The following ADCY3 variants were observed in gnomAD, a reference collection of about 807,000 sequenced individuals.
The protein encoded by ADCY3 is adenylate cyclase type 3.
Under a neutral mutation model 119.4 loss-of-function variants are expected in ADCY3, and 70 were observed. The observed-to-expected ratio is 0.59, with a 90% CI of 0.48 to 0.72. ADCY3 has a LOEUF of 0.72. ADCY3 is among the 30% of genes least tolerant of loss of function. The pLI, the probability that ADCY3 is intolerant of heterozygous loss-of-function variation, is 0.00. For missense variants in ADCY3, 1,238 were observed against 1,541.6 expected, an observed-to-expected ratio of 0.80 and a Z score of 3.30; for synonymous variants, 672 against 621.4, an observed-to-expected ratio of 1.08 and a Z score of -1.21.
At chr2:24,854,455 C>T (rs530923263) in intron 3 of ADCY3, among the ~76,000 whole-genome samples, 1 of 152,154 alleles carries the variant, frequency 6.6e-6, no homozygotes, top group African/African-American at 2.4e-5. Context: ...ATAAAATGGG[C>T]ATCTCTTAGG....
intron 20 of ADCY3, 79 bp downstream of exon 20, chr2:24,821,438 C>T: frequency 6.4e-7 from 1 of 1,572,194 alleles, no homozygotes; most frequent in Non-Finnish European, 8.6e-7. Context: ...TCCTGAGCCT[C>T]ATGTCTCTCC....
chr2:24,907,535 C>T (rs998621122), intron 2 of ADCY3, among the ~76,000 whole-genome samples: 1 of 151,904 alleles, frequency 6.6e-6, no homozygotes, highest in African/African-American at 2.4e-5. Context: ...TCCTTAGGAA[C>T]CACAAAGAGG....
intron 2 of ADCY3, chr2:24,877,828 G>A (rs774502599): frequency 4.3e-6 from 2 of 465,870 alleles, no homozygotes; most frequent in African/African-American, 2.0e-5. Flanking sequence ...GGGCGAGACA[G>A]CTGGCGCTCG....
At chr2:24,870,990 GC>G (rs1674932678) in intron 3 of ADCY3, among the ~76,000 whole-genome samples, 1 of 152,156 alleles carries the variant, frequency 6.6e-6, no homozygotes, top group African/African-American at 2.4e-5. Flanking sequence ...ACACCAGGGG[GC>G]CTCCACAAGA....
In ADCY3 at chr2:24,841,500, G is replaced by A; in HGVS notation, c.1068+56C>T. ...ATCATGGGGCCGGGGATGGGGGCCA[G>A]GCAGAGGCCATGAGGGCAGGCCCCG... is the stretch of plus-strand genomic sequence containing the variant. On this transcript the variant is annotated intron_variant, in intron 5 of 21. Transcript: ENST00000679454. The surrounding 1 kb of genome is among the most constrained non-coding windows in gnomAD (Gnocchi z 5.8). 3.1e-6 allele frequency: 5 copies of A among 1,593,326 alleles called. No homozygotes were observed. Among genetic ancestry groups the A allele is most frequent in the Non-Finnish European group, 4.3e-6 (5 of 1,167,542 alleles).
At position 24,919,605 on chromosome 2, in the gene ADCY3, G is replaced by C. The variant is rs747087123; in HGVS notation, c.-198+78C>G. 1 of 152,438 alleles carries C rather than the reference G, an allele frequency of 6.6e-6. No homozygotes were observed. Among genetic ancestry groups the C allele is most frequent in the Non-Finnish European group, 1.5e-5 (1 of 68,234 alleles). 9.4% of individuals were successfully genotyped at this position (152,438 alleles called of 1,614,324 possible). ...TTTTCCACCAAACCCTTGGAGGCTC[G>C]GGCTCCGATCCGGCCCCCTTCCCAC... On this transcript the variant is annotated intron_variant, in intron 1 of 21. Coordinates refer to ENST00000679454, the MANE Select transcript of ADCY3 (RefSeq NM_004036.5). This position sits in a 1 kb window ranked among gnomAD's most constrained non-coding sequence, Gnocchi z 5.5.
intron 2 of ADCY3, among the ~76,000 whole-genome samples, chr2:24,903,793 C>T (rs752873245): frequency 3.9e-4 from 60 of 152,264 alleles, no homozygotes; most frequent in Middle Eastern, 3.4e-3. Context: ...CCCTTTCTTC[C>T]CTAAATGCAA....
At chr2:24,902,669 C>G (rs935476361) in intron 2 of ADCY3, among the ~76,000 whole-genome samples, 2 of 152,106 alleles carry the variant, frequency 1.3e-5, no homozygotes, top group African/African-American at 4.8e-5. Flanking sequence ...TCCTCCTCCT[C>G]AGCTACTCAA....
intron 3 of ADCY3, among the ~76,000 whole-genome samples, chr2:24,848,665 GC>G (rs1671935969): frequency 6.6e-6 from 1 of 152,198 alleles, no homozygotes; most frequent in African/African-American, 2.4e-5. Context: ...TTAGAACAGT[GC>G]CTGGCCCACA....
intron 14 of ADCY3, 143 bp downstream of exon 14, chr2:24,827,759 A>G (rs1302317470): frequency 2.1e-6 from 3 of 1,424,150 alleles, no homozygotes; most frequent in Non-Finnish European, 2.9e-6. Flanking sequence ...GTCTGTGAGC[A>G]GCCAGGAACT....
At chr2:24,856,611 A>G (rs181179101) in intron 3 of ADCY3, among the ~76,000 whole-genome samples, 75 of 152,306 alleles carry the variant, frequency 4.9e-4, no homozygotes, top group Admixed American at 2.4e-3. Flanking sequence ...CCTCTCCCGG[A>G]TGAGGGGACG....
intron 7 of ADCY3, 147 bp from the exon 8 acceptor site, chr2:24,838,769 CTGCCACTAACTAGCTGTGTG>C: frequency 1.3e-6 from 2 of 1,589,568 alleles, no homozygotes; most frequent in Admixed American, 1.7e-5. Context: ...GGAGGCAGTT[CTGCCACTAACTAGCTGTGTG>C]GGCCGCTAAC....
At chr2:24,833,060 G>C (rs1387197948) in intron 11 of ADCY3, among the ~76,000 whole-genome samples, 1 of 152,126 alleles carries the variant, frequency 6.6e-6, no homozygotes, top group Non-Finnish European at 1.5e-5. Flanking sequence ...CTCTATCCTC[G>C]GCCTGGCCTG....
intron 11 of ADCY3, chr2:24,832,035 GCCA>G (rs1177211478): frequency 2.8e-5 from 3 of 107,686 alleles, no homozygotes; most frequent in Admixed American, 9.0e-5. Context: ...GGGGGCAGGG[GCCA>G]GCAGACAAGG....
chr2:24,876,716 T>C (rs4560065), intron 2 of ADCY3, among the ~76,000 whole-genome samples: 12,523 of 152,134 alleles, frequency 0.082, 1,612 homozygotes, highest in African/African-American at 0.28. Flanking sequence ...TCCTCTAAAA[T>C]GCATCCATCA....
chr2:24,827,878 A>G (rs774744041), intron 14 of ADCY3, 24 bp downstream of exon 14: 26 of 1,612,978 alleles, frequency 1.6e-5, no homozygotes, highest in Non-Finnish European at 8.5e-7. Flanking sequence ...GACAATACAG[A>G]TCCCCAGTCA....
chr2:24,910,896 C>T (rs2149049099), intron 2 of ADCY3, among the ~76,000 whole-genome samples: 1 of 152,226 alleles, frequency 6.6e-6, no homozygotes, highest in Admixed American at 6.5e-5. Context: ...CCACCCACCT[C>T]GGCCTTCCAA....
chr2:24,901,918 A>C (rs2148995408), intron 2 of ADCY3, among the ~76,000 whole-genome samples: 1 of 124,014 alleles, frequency 8.1e-6, no homozygotes, highest in East Asian at 1.9e-4. Context: ...CAATTAAAAC[A>C]AACTATTTAA....
chr2:24,900,134 A>G (rs921702212), intron 2 of ADCY3, among the ~76,000 whole-genome samples: 2 of 149,246 alleles, frequency 1.3e-5, no homozygotes, highest in African/African-American at 2.5e-5. Context: ...TTTTTGAGAC[A>G]GAGTCTTGCT....
Sources: gnomAD v4.1 joint callset for allele counts (sites outside exome capture counted in the v4.1 genomes callset) on GRCh38, gnomAD v4.1.1 for gene constraint, Gnocchi (gnomAD v3.1) non-coding constraint, MANE v1.5 for transcripts, NCBI Gene and HGNC (gene_info 2026-07-23, HGNC 2026-07-21) for gene names.